VPS13B: variants seen among roughly 807,000 people sequenced by gnomAD.
VPS13B encodes intermembrane lipid transfer protein VPS13B.
VPS13B carries 285 observed loss-of-function variants against 426.4 expected under a neutral mutation model. The ratio of observed to expected loss-of-function variants is 0.67; its 90% CI spans 0.61 to 0.74. The LOEUF is 0.74. Ranked by LOEUF, VPS13B falls within the 30% of genes least tolerant of loss-of-function variation. VPS13B has a pLI of 0.00. For missense variants in VPS13B, 4,537 were observed against 4,782.6 expected (o/e 0.95, Z 1.51); for synonymous variants, 1,676 against 1,676.4 (o/e 1.00, Z 0.01).
chr8:99,670,845 T>C (rs961970159), intron 35 of VPS13B, among the ~76,000 whole-genome samples: 1 of 152,158 alleles, frequency 6.6e-6, no homozygotes, highest in African/African-American at 2.4e-5. Flanking sequence ...GCTATTCTAT[T>C]GTAAATATCT....
chr8:99,692,811 G>GA (rs1374209062), intron 35 of VPS13B, among the ~76,000 whole-genome samples: 1 of 146,454 alleles, frequency 6.8e-6, no homozygotes, highest in Non-Finnish European at 1.5e-5. Flanking sequence ...GACTTATAAA[G>GA]AAAAAAAGAG....
In VPS13B at chr8:99,818,796, G is replaced by C. The variant is rs1814196490; in HGVS notation, c.8529G>C (p.Leu2843Phe). The C allele has an allele frequency of 6.2e-7, 1 of 1,613,914 alleles. No individual in the cohort carries two copies. The highest frequency in any genetic ancestry group is 1.3e-5 in the African/African-American group (1 of 74,888). Residue 2843 changes from leucine (L) to phenylalanine (F), a missense_variant, in exon 47 of 62, where the codon TTG (leucine) becomes TTC (phenylalanine). Around this residue, in one of 2 missense-constraint regions of VPS13B, gnomAD observed 4,311 missense variants for 4,474.3 expected, o/e 0.96. Coordinates refer to ENST00000357162, the MANE Select transcript of VPS13B (RefSeq NM_152564.5). ...ATTTGGAGAAAAGGAGTCTGGGATT[G>C]AGTGAAACACAAATTATTCCAGGAA... The part of the protein sequence containing the change: ...IIHLEKRSLG[L>F]SETQIIPGKG...
chr8:99,778,610 C>T, intron 41 of VPS13B, 72 bp from the exon 42 acceptor site: 2 of 1,339,134 alleles, frequency 1.5e-6, no homozygotes, highest in East Asian at 2.3e-5. Context: ...GTTTGAATGT[C>T]ATTTCACTCT....
intron 21 of VPS13B, among the ~76,000 whole-genome samples, chr8:99,426,125 A>C (rs1223765210): frequency 4.2e-5 from 6 of 143,150 alleles, no homozygotes; most frequent in Non-Finnish European, 6.0e-5. Context: ...ATGTGATCTC[A>C]TTGTTCAATT....
intron 43 of VPS13B, among the ~76,000 whole-genome samples, chr8:99,786,512 A>G (rs1788155): frequency 0.12 from 17,787 of 152,182 alleles, 1,751 homozygotes; most frequent in East Asian, 0.4. Context: ...TCACTGGAAT[A>G]GTAGGCCACA....
At chr8:99,580,903 G>T (rs1470880109) in intron 33 of VPS13B, among the ~76,000 whole-genome samples, 2 of 150,986 alleles carry the variant, frequency 1.3e-5, no homozygotes, top group African/African-American at 4.9e-5. Flanking sequence ...TATCACTTGG[G>T]AGGCCAAGGT....
intron 30 of VPS13B, among the ~76,000 whole-genome samples, chr8:99,537,535 A>G (rs1247109058): frequency 1.3e-5 from 2 of 152,182 alleles, no homozygotes; most frequent in Non-Finnish European, 2.9e-5. Context: ...TTATCAGTGG[A>G]GCTCGACTTC....
chr8:99,041,831 C>T (rs569850187), intron 3 of VPS13B, among the ~76,000 whole-genome samples: 62 of 148,066 alleles, frequency 4.2e-4, no homozygotes, highest in African/African-American at 1.5e-3. Context: ...CCAGCCTGGG[C>T]GACAGAGCGA....
chr8:99,366,914 T>C (rs960435050), intron 19 of VPS13B, among the ~76,000 whole-genome samples: 1 of 152,182 alleles, frequency 6.6e-6, no homozygotes, highest in African/African-American at 2.4e-5. Context: ...ACCCCCTTGC[T>C]TTTTAACTTT....
At chr8:99,859,185 A>G in intron 56 of VPS13B, 119 bp from the exon 57 acceptor site, 1 of 1,243,022 alleles carries the variant, frequency 8.0e-7, no homozygotes, top group Non-Finnish European at 1.2e-6. Context: ...AAAGAAACAG[A>G]TTACTTTCCC....
chr8:99,662,232 C>A (rs1830257773), intron 35 of VPS13B, among the ~76,000 whole-genome samples: 1 of 151,916 alleles, frequency 6.6e-6, no homozygotes, highest in Non-Finnish European at 1.5e-5. Flanking sequence ...TTTCTTTATT[C>A]CTCGATCTTC....
intron 21 of VPS13B, among the ~76,000 whole-genome samples, chr8:99,416,621 A>G (rs1816023136): frequency 6.6e-6 from 1 of 152,128 alleles, no homozygotes; most frequent in Non-Finnish European, 1.5e-5. Context: ...GGGTCAGAGT[A>G]CACCGTTCCT....
chr8:99,207,875 G>T (rs1814819850), intron 17 of VPS13B, among the ~76,000 whole-genome samples: 1 of 152,142 alleles, frequency 6.6e-6, no homozygotes, highest in Non-Finnish European at 1.5e-5. Context: ...AATCTGTTCA[G>T]TTCTGGGAGC....
chr8:99,712,080 A>G (rs1020872667), intron 36 of VPS13B, among the ~76,000 whole-genome samples: 1 of 152,234 alleles, frequency 6.6e-6, no homozygotes, highest in African/African-American at 2.4e-5. Flanking sequence ...ACTGAAGATT[A>G]CTTATTAAAA....
chr8:99,268,727 G>A (rs1402274332), intron 17 of VPS13B, among the ~76,000 whole-genome samples: 2 of 152,138 alleles, frequency 1.3e-5, no homozygotes, highest in Admixed American at 1.3e-4. Flanking sequence ...AGTTAATGCT[G>A]AAATGAGTTA....
chr8:99,732,192 TA>T lies in VPS13B; in HGVS notation c.7050+11146del, dbSNP rs1345931848. ...TGCAATACCAGTAGCTTAGGTAAAA[TA>T]GAAGTTTATTTCCTTTCACACATGG... On this transcript the variant is annotated intron_variant, in intron 39 of 61. Coordinates refer to ENST00000357162, the MANE Select transcript of VPS13B (RefSeq NM_152564.5). Among the ~76,000 whole-genome samples the T allele has an allele frequency of 2.0e-5, 3 of 152,258 alleles. 1 individual carries two copies. The highest frequency in any genetic ancestry group is 2.0e-4 in the Admixed American group (3 of 15,290).
At chr8:99,452,663 AG>A (rs1225276460) in intron 23 of VPS13B, among the ~76,000 whole-genome samples, 1 of 152,328 alleles carries the variant, frequency 6.6e-6, no homozygotes, top group Admixed American at 6.5e-5. Flanking sequence ...AATGAAAAAA[AG>A]GGGGGAAAAA....
At chr8:99,422,622 A>G (rs1308783143) in intron 21 of VPS13B, among the ~76,000 whole-genome samples, 2 of 152,174 alleles carry the variant, frequency 1.3e-5, no homozygotes, top group African/African-American at 2.4e-5. Context: ...TTAGGTAACC[A>G]TTTTCTTCTA....
chr8:99,814,053 T>G (rs1813876550), intron 44 of VPS13B, among the ~76,000 whole-genome samples: 1 of 152,162 alleles, frequency 6.6e-6, no homozygotes, highest in Admixed American at 6.5e-5. Flanking sequence ...GGCAAGAAGA[T>G]CCCTTGAGCC....
Sources: allele counts gnomAD v4.1 joint callset (sites outside exome capture counted in the v4.1 genomes callset), GRCh38; gene constraint gnomAD v4.1.1; regional missense constraint gnomAD v4.1.1; transcripts MANE v1.5; gene names NCBI Gene and HGNC (gene_info 2026-07-23, HGNC 2026-07-21).